Variants in PXDNL observed in about 807,000 individuals in gnomAD.
PXDNL encodes probable oxidoreductase PXDNL.
PXDNL carries 145 observed loss-of-function variants against 150.8 expected under a neutral mutation model. The observed-to-expected ratio is 0.96, with a 90% CI of 0.84 to 1.10. PXDNL has a LOEUF of 1.10. PXDNL is among the 50% of genes least tolerant of loss of function. The pLI, the probability that PXDNL is intolerant of heterozygous loss-of-function variation, is 0.00. For synonymous variants in PXDNL, 757 were observed against 725.7 expected (o/e 1.04, Z -0.69); for missense variants, 2,087 against 1,873.9 (o/e 1.11, Z -2.10).
intron 2 of PXDNL, among the ~76,000 whole-genome samples, chr8:51,617,154 A>G (rs1316603654): frequency 1.3e-5 from 2 of 152,214 alleles, no homozygotes; most frequent in Non-Finnish European, 2.9e-5. Flanking sequence ...CAATTCGCCA[A>G]TTTGTCAGTT....
chr8:51,658,253 G>A (rs1456835898), intron 1 of PXDNL, among the ~76,000 whole-genome samples: 1 of 147,778 alleles, frequency 6.8e-6, no homozygotes, highest in African/African-American at 2.5e-5. Flanking sequence ...GAGGTGGGAA[G>A]ATCGCTTGGG....
intron 1 of PXDNL, among the ~76,000 whole-genome samples, chr8:51,781,380 A>T (rs7818832): frequency 0.69 from 104,350 of 151,960 alleles, 42,335 homozygotes; most frequent in Non-Finnish European, 0.9. Flanking sequence ...AGAATGAGTA[A>T]ACTTGCAGCC....
intron 4 of PXDNL, among the ~76,000 whole-genome samples, chr8:51,553,742 A>T (rs538584146): frequency 3.3e-5 from 3 of 90,244 alleles, no homozygotes; most frequent in East Asian, 2.3e-4. Context: ...GAGGGATTTT[A>T]TATATATATA....
At chr8:51,791,255 G>A (rs1370374007) in intron 1 of PXDNL, among the ~76,000 whole-genome samples, 1 of 152,184 alleles carries the variant, frequency 6.6e-6, no homozygotes, top group Non-Finnish European at 1.5e-5. Context: ...GCTAAGAGAC[G>A]TCTTCTTACA....
intron 1 of PXDNL, among the ~76,000 whole-genome samples, chr8:51,788,665 C>G (rs1480946611): frequency 6.6e-6 from 1 of 152,202 alleles, no homozygotes; most frequent in African/African-American, 2.4e-5. Flanking sequence ...TTAGTCGAAC[C>G]AGTGGTTCCC....
Position 51,319,806 on chromosome 8 carries a change from G to GTTCT in PXDNL, c.*84_*85insAGAA, listed in dbSNP as rs1490008374. ...AGTCAGTGGTTTCCATATCAACAAT[G>GTTCT]TGACTACAAGTTAAAAGTTCTGAAG... On this transcript the variant is annotated 3_prime_UTR_variant, in exon 23 of 23. Transcript: ENST00000356297. 4.8e-6 allele frequency: 6 copies of GTTCT among 1,256,810 alleles called. No individual in the cohort carries two copies. Among genetic ancestry groups the GTTCT allele is most frequent in the Admixed American group, 3.0e-5 (1 of 33,304 alleles). 77.9% of individuals were successfully genotyped at this position (1,256,810 alleles called of 1,614,324 possible). A position where few individuals can be genotyped will look rare whatever the true frequency, so the allele number is the denominator to read the frequency against.
chr8:51,652,074 A>T (rs974515023), intron 2 of PXDNL, among the ~76,000 whole-genome samples: 2 of 152,182 alleles, frequency 1.3e-5, no homozygotes, highest in South Asian at 2.1e-4. Context: ...GCATTTTTTT[A>T]AATTGTAAGA....
chr8:51,479,156 G>T (rs527632204), intron 6 of PXDNL, among the ~76,000 whole-genome samples: 1 of 152,124 alleles, frequency 6.6e-6, no homozygotes, highest in Non-Finnish European at 1.5e-5. Context: ...CAAAAAAGCT[G>T]CTACTAAGAT....
chr8:51,696,569 G>A (rs1199384968), intron 1 of PXDNL, among the ~76,000 whole-genome samples: 2 of 136,660 alleles, frequency 1.5e-5, no homozygotes, highest in Non-Finnish European at 3.2e-5. Context: ...CCTGCTCCCC[G>A]CTAGACACAA....
At chr8:51,594,564 C>A (rs1464178388) in intron 2 of PXDNL, among the ~76,000 whole-genome samples, 1 of 152,094 alleles carries the variant, frequency 6.6e-6, no homozygotes, top group Non-Finnish European at 1.5e-5. Context: ...AAAAATTACA[C>A]TGAAATTATG....
intron 1 of PXDNL, among the ~76,000 whole-genome samples, chr8:51,709,730 A>G (rs370768505): frequency 2.0e-5 from 3 of 152,240 alleles, no homozygotes; most frequent in East Asian, 1.9e-4. Flanking sequence ...CATTAAAGTA[A>G]AAAGGATATC....
intron 17 of PXDNL, among the ~76,000 whole-genome samples, chr8:51,406,286 C>T (rs776594957): frequency 6.6e-6 from 1 of 152,216 alleles, no homozygotes; most frequent in African/African-American, 2.4e-5. Flanking sequence ...ATTTAAAATT[C>T]TGATAGGATT....
At chr8:51,610,365 A>G (rs1813973460) in intron 2 of PXDNL, among the ~76,000 whole-genome samples, 1 of 152,194 alleles carries the variant, frequency 6.6e-6, no homozygotes, top group Non-Finnish European at 1.5e-5. Flanking sequence ...TTTTATTTAT[A>G]ATAGTATATA....
chr8:51,373,464 C>T (rs1011978863), intron 18 of PXDNL, among the ~76,000 whole-genome samples: 4 of 152,204 alleles, frequency 2.6e-5, no homozygotes, highest in Admixed American at 6.5e-5. Flanking sequence ...CAATTATTTT[C>T]AGTCTTTGAC....
At chr8:51,519,978 G>C (rs1448005629) in intron 4 of PXDNL, among the ~76,000 whole-genome samples, 1 of 152,190 alleles carries the variant, frequency 6.6e-6, no homozygotes, top group African/African-American at 2.4e-5. Flanking sequence ...ACCGCAGGAT[G>C]CAACAGTCTA....
At chr8:51,672,845 T>A (rs1228946045) in intron 1 of PXDNL, among the ~76,000 whole-genome samples, 1 of 152,092 alleles carries the variant, frequency 6.6e-6, no homozygotes, top group Admixed American at 6.6e-5. Context: ...ACTAAGAAAA[T>A]AGGATACTGT....
At chr8:51,333,493 C>T (rs1253778921) in intron 21 of PXDNL, among the ~76,000 whole-genome samples, 1 of 152,188 alleles carries the variant, frequency 6.6e-6, no homozygotes, top group East Asian at 1.9e-4. Flanking sequence ...CAGTACCTCA[C>T]ATTTCAATAC....
At chr8:51,700,773 C>G (rs1291426201) in intron 1 of PXDNL, among the ~76,000 whole-genome samples, 1 of 151,894 alleles carries the variant, frequency 6.6e-6, no homozygotes, top group African/African-American at 2.4e-5. Context: ...CACATATACA[C>G]ACATACACAC....
chr8:51,667,371 A>T (rs1241710082), intron 1 of PXDNL, among the ~76,000 whole-genome samples: 1 of 152,230 alleles, frequency 6.6e-6, no homozygotes, highest in Non-Finnish European at 1.5e-5. Flanking sequence ...TTCCAAAAAC[A>T]GTGTGCTTTT....
Sources: allele counts gnomAD v4.1 joint callset (sites outside exome capture counted in the v4.1 genomes callset), GRCh38; gene constraint gnomAD v4.1.1; transcripts MANE v1.5; gene names NCBI Gene and HGNC (gene_info 2026-07-23, HGNC 2026-07-21).